The following USH2A variants were observed in gnomAD, a reference collection of about 807,000 sequenced individuals.
USH2A encodes Usher syndrome 2A (autosomal recessive, mild).
USH2A carries 443 observed loss-of-function variants against 538.9 expected under a neutral mutation model. That is an observed-to-expected ratio of 0.82 (90% CI 0.76 to 0.89). The LOEUF (loss-of-function observed/expected upper bound fraction) is 0.89, where lower values mean the gene tolerates loss of function less well. Among genes scored for constraint, USH2A ranks in the 40% least tolerant of loss-of-function variants. USH2A has a pLI of 0.00. For missense variants in USH2A, 6,633 were observed against 6,324.8 expected, an observed-to-expected ratio of 1.05 and a Z score of -1.65; for synonymous variants, 2,413 against 2,273.5, an observed-to-expected ratio of 1.06 and a Z score of -1.75.
At chr1:216,068,267 G>A (rs981602440) in intron 30 of USH2A, among the ~76,000 whole-genome samples, 1 of 152,212 alleles carries the variant, frequency 6.6e-6, no homozygotes, top group Non-Finnish European at 1.5e-5. Flanking sequence ...GAGGAGGAGA[G>A]AGGGAGCAAT....
At chr1:216,246,516 G>A in intron 13 of USH2A, 69 bp downstream of exon 13, 1 of 1,608,066 alleles carries the variant, frequency 6.2e-7, no homozygotes, top group Non-Finnish European at 8.5e-7. Flanking sequence ...CCAGAAACAG[G>A]GAGAAGTTAC....
At chr1:216,163,732 A>T (rs888464640) in intron 21 of USH2A, among the ~76,000 whole-genome samples, 5 of 152,078 alleles carry the variant, frequency 3.3e-5, no homozygotes, top group Non-Finnish European at 7.4e-5. Flanking sequence ...ATTTCAATTG[A>T]AAACCTGGCA....
intron 3 of USH2A, among the ~76,000 whole-genome samples, chr1:216,417,097 G>T (rs1017135574): frequency 6.6e-6 from 1 of 152,012 alleles, no homozygotes; most frequent in Non-Finnish European, 1.5e-5. Context: ...AAGGCTTGAC[G>T]TCAGACATGA....
chr1:215,723,035 C>G (rs1029419483), intron 61 of USH2A, among the ~76,000 whole-genome samples: 7 of 152,102 alleles, frequency 4.6e-5, no homozygotes, highest in Admixed American at 4.6e-4. Context: ...AGGCTAAATA[C>G]AGTTTCTTTC....
chr1:215,769,442 TA>T (rs1328100791), intron 55 of USH2A, among the ~76,000 whole-genome samples: 7 of 152,180 alleles, frequency 4.6e-5, no homozygotes, highest in Admixed American at 3.3e-4. Flanking sequence ...TTAATGTATA[TA>T]AAAATATAAA....
At chr1:216,327,568 T>C (rs2037759679) in intron 5 of USH2A, 23 bp downstream of exon 5, 1 of 1,612,466 alleles carries the variant, frequency 6.2e-7, no homozygotes, top group Admixed American at 1.7e-5. Context: ...GTTCTTGAGG[T>C]TTACAATGCA....
chr1:216,287,147 T>C (rs1476823235), intron 11 of USH2A, among the ~76,000 whole-genome samples: 1 of 152,158 alleles, frequency 6.6e-6, no homozygotes, highest in Non-Finnish European at 1.5e-5. Context: ...GTTCAACATT[T>C]GAAAGGCAAC....
intron 64 of USH2A, 51 bp from the exon 65 acceptor site, chr1:215,650,852 G>GTAAA: frequency 6.8e-7 from 1 of 1,470,908 alleles, no homozygotes; most frequent in Non-Finnish European, 9.1e-7. Flanking sequence ...CCTAAGGCTG[G>GTAAA]GAAAAAAAAA....
intron 37 of USH2A, among the ~76,000 whole-genome samples, chr1:215,935,344 T>C (rs756421766): frequency 1.3e-5 from 2 of 152,062 alleles, no homozygotes; most frequent in Non-Finnish European, 2.9e-5. Context: ...GATTTCTTTC[T>C]ATCTAATGCC....
chr1:215,804,169 A>G (rs1192025563), intron 49 of USH2A, among the ~76,000 whole-genome samples: 1 of 152,214 alleles, frequency 6.6e-6, no homozygotes, highest in Non-Finnish European at 1.5e-5. Context: ...TAGACCTAAA[A>G]CCATAAAAAC....
intron 21 of USH2A, among the ~76,000 whole-genome samples, chr1:216,132,825 C>T (rs1386026832): frequency 6.6e-6 from 1 of 152,094 alleles, no homozygotes; most frequent in Admixed American, 6.6e-5. Context: ...ATCTTTCCCT[C>T]TCCCTATAAT....
At chr1:215,667,707 A>C (rs1020875670) in intron 64 of USH2A, among the ~76,000 whole-genome samples, 1 of 152,130 alleles carries the variant, frequency 6.6e-6, no homozygotes, top group African/African-American at 2.4e-5. Flanking sequence ...CAGAAAAAGA[A>C]GAAGAAGGAA....
chr1:215,720,331 GA>G (rs1299564055), intron 61 of USH2A, among the ~76,000 whole-genome samples: 1 of 152,206 alleles, frequency 6.6e-6, no homozygotes, highest in Non-Finnish European at 1.5e-5. Flanking sequence ...AGTGTTGCCA[GA>G]AAAGTGAGAT....
intron 4 of USH2A, among the ~76,000 whole-genome samples, chr1:216,329,887 T>C (rs1178276386): frequency 2.6e-5 from 4 of 152,046 alleles, no homozygotes; most frequent in African/African-American, 9.7e-5. Flanking sequence ...CATAATGAGA[T>C]ATCAAGGAGA....
At chr1:215,644,351 C>T (rs933485734) in intron 67 of USH2A, among the ~76,000 whole-genome samples, 3 of 152,072 alleles carry the variant, frequency 2.0e-5, no homozygotes, top group Admixed American at 6.5e-5. Context: ...GAGGGGTATA[C>T]ACTTCAAAAC....
chr1:216,186,269 G>A (rs2034602136), intron 20 of USH2A, among the ~76,000 whole-genome samples: 1 of 149,970 alleles, frequency 6.7e-6, no homozygotes, highest in Non-Finnish European at 1.5e-5. Flanking sequence ...ATCTCCTCCT[G>A]CCGCTGCTCA....
At chr1:216,256,142 T>C (rs1160718503) in intron 11 of USH2A, among the ~76,000 whole-genome samples, 3 of 152,090 alleles carry the variant, frequency 2.0e-5, no homozygotes, top group Non-Finnish European at 4.4e-5. Flanking sequence ...AAATATCTTT[T>C]CTGTAAGCAG....
At chr1:216,233,670 T>A (rs2035748262) in intron 13 of USH2A, among the ~76,000 whole-genome samples, 1 of 152,100 alleles carries the variant, frequency 6.6e-6, no homozygotes, top group Non-Finnish European at 1.5e-5. Context: ...AGCTTACCTC[T>A]AAAACTCATA....
intron 47 of USH2A, among the ~76,000 whole-genome samples, chr1:215,823,834 T>G (rs1451116057): frequency 1.3e-5 from 2 of 152,046 alleles, no homozygotes; most frequent in Non-Finnish European, 2.9e-5. Context: ...TAATGAATTT[T>G]TCACTTCAGC....
Sources: allele counts gnomAD v4.1 joint callset (sites outside exome capture counted in the v4.1 genomes callset), GRCh38; gene constraint gnomAD v4.1.1; transcripts MANE v1.5; gene names NCBI Gene and HGNC (gene_info 2026-07-23, HGNC 2026-07-21).